Variants in MLXIP observed in about 807,000 individuals in gnomAD.
MLXIP encodes the protein MLX interacting protein.
A neutral mutation model predicts 87.2 loss-of-function variants in MLXIP; 30 were observed. The ratio of observed to expected loss-of-function variants is 0.34; its 90% CI spans 0.26 to 0.47. The LOEUF (loss-of-function observed/expected upper bound fraction) is 0.47, where lower values mean the gene tolerates loss of function less well. Among genes scored for constraint, MLXIP ranks in the 20% least tolerant of loss-of-function variants. The pLI, the probability that MLXIP is intolerant of heterozygous loss-of-function variation, is 1.00. For missense variants in MLXIP, 1,002 were observed against 1,240.1 expected (o/e 0.81, Z 2.88); for synonymous variants, 530 against 514.0 (o/e 1.03, Z -0.42).
chr12:122,138,862 G>T lies in MLXIP; in HGVS notation c.2432G>T (p.Arg811Leu). ...GCCACGGGAGTCCCCGTTACCCGGC[G>T]CCAGTTTGATCACATGAAAGACATG... Reference protein sequence around the residue: ...LPATGVPVTRRQFDHMKDMFD... With the variant: ...LPATGVPVTRLQFDHMKDMFD... Residue 811 changes from arginine (R) to leucine (L), a missense_variant, in exon 15 of 17, where the codon CGC (arginine) becomes CTC (leucine). By Grantham distance (102) the Arg-to-Leu change is moderately radical. Transcript: ENST00000319080. The T allele has an allele frequency of 3.1e-6, 5 of 1,614,034 alleles. No homozygotes were observed. Among genetic ancestry groups the T allele is most frequent in the Non-Finnish European group, 4.2e-6 (5 of 1,179,894 alleles).
chr12:122,094,222 GTGTA>G (rs1317337054), intron 1 of MLXIP, among the ~76,000 whole-genome samples: 45 of 125,904 alleles, frequency 3.6e-4, no homozygotes, highest in African/African-American at 1.2e-3. Context: ...GTGTGGGTGT[GTGTA>G]TGTGGTGTCT....
At chr12:122,134,229 CTG>C in intron 9 of MLXIP, 3 of 543,206 alleles carry the variant, frequency 5.5e-6, no homozygotes, top group Non-Finnish European at 6.2e-6. Flanking sequence ...GAGACAGTCT[CTG>C]TTGCCCAGGC....
rs61424369 is a variant in MLXIP, at chr12:122,108,367, C to CAA, written c.414-18869_414-18868dup. ...CTGGCGACAGAGCGAGACTCCATCT[C>CAA]AAAAAAAAAAAAAAAAAAAAAGACA... On this transcript the variant is annotated intron_variant, in intron 1 of 16. Coordinates refer to ENST00000319080, the MANE Select transcript of MLXIP (RefSeq NM_014938.6). Among the ~76,000 whole-genome samples, 88 of 80,494 alleles carry CAA rather than the reference C, an allele frequency of 1.1e-3. 1 individual carries two copies. The highest frequency in any genetic ancestry group is 3.5e-3 in the African/African-American group (72 of 20,574). 52.8% of individuals were successfully genotyped at this position (80,494 alleles called of 152,430 possible).
At chr12:122,093,485 GGTGT>G (rs1189506530) in intron 1 of MLXIP, among the ~76,000 whole-genome samples, 4 of 144,354 alleles carry the variant, frequency 2.8e-5, no homozygotes, top group Non-Finnish European at 6.0e-5. Flanking sequence ...TTTGGTGTGT[GGTGT>G]GTGTGTGCGG....
Position 122,135,636 on chromosome 12 carries a change from G to A in MLXIP, c.2002G>A (p.Gly668Ser), listed in dbSNP as rs762341442. The A allele has an allele frequency of 1.9e-5, 30 of 1,543,122 alleles. No homozygotes were observed. Among genetic ancestry groups the A allele is most frequent in the African/African-American group, 1.6e-4 (12 of 73,414 alleles). The change falls in exon 11 of 17, where the codon GGC becomes AGC. Residue 668 changes from glycine to serine, a missense_variant. Gly to Ser is a moderately conservative substitution (Grantham distance 56). This residue lies in a region of MLXIP where 746 missense variants were observed against 897.0 expected (regional missense o/e 0.83). Transcript: ENST00000319080. This position sits in a 1 kb window ranked among gnomAD's most constrained non-coding sequence, Gnocchi z 5.3. ...GKGEQVPLHG[G>S]SPQVTVTGPS... ...GGGCGAGCAGGTCCCGCTGCATGGGGGCAGCCCCCAGGTCACTGTCACAGG... is the reference window on the plus strand; with the variant it reads ...GGGCGAGCAGGTCCCGCTGCATGGGAGCAGCCCCCAGGTCACTGTCACAGG...
At chr12:122,141,656 G>A (rs1468556464) in intron 16 of MLXIP, 35 bp from the exon 17 acceptor site, 1 of 1,609,582 alleles carries the variant, frequency 6.2e-7, no homozygotes, top group Admixed American at 1.7e-5. Flanking sequence ...GTGGGTCTGT[G>A]TCACTGCCTG....
rs1235951859 is a variant in MLXIP at position 122,133,715 on chromosome 12, C to T, written c.1460C>T (p.Thr487Met). 1.2e-5 allele frequency: 20 copies of T among 1,613,548 alleles called. No homozygotes were observed. Among genetic ancestry groups the T allele is most frequent in the Non-Finnish European group, 1.6e-5 (19 of 1,179,842 alleles). The change falls in exon 9 of 17, where the codon ACG (threonine) becomes ATG (methionine). Residue 487 changes from threonine to methionine, a missense_variant. Physicochemically the swap from Thr to Met is moderately conservative, Grantham distance 81 (BLOSUM62 -1). Coordinates refer to ENST00000319080, the MANE Select transcript of MLXIP (RefSeq NM_014938.6). This position sits in a 1 kb window ranked among gnomAD's most constrained non-coding sequence, Gnocchi z 4.9. ...VNKAPSVITH[T>M]ASATLTHDAP... is the part of the protein sequence containing the mutation. ...AAAGCGCCGTCTGTCATCACCCACA[C>T]GGCCTCTGCCACCCTCACCCACGAT...
Position 122,142,468 on chromosome 12 carries a change from C to G in MLXIP, c.*656C>G. 2.7e-6 allele frequency: 1 copy of G among 377,328 alleles called. No homozygotes were observed. Among genetic ancestry groups the G allele is most frequent in the Non-Finnish European group, 5.3e-6 (1 of 190,112 alleles). The allele number at this position is 377,328 out of a possible 1,614,324, so 23.4% of individuals were successfully genotyped here. A position where few individuals can be genotyped will look rare whatever the true frequency, so the allele number is the denominator to read the frequency against. On this transcript the variant is annotated 3_prime_UTR_variant, in exon 17 of 17. Transcript: ENST00000319080. ...GGAACACACAGGACCAGAATGGAAG[C>G]GTGTGATGCACGGTGGCTGCTCTGG...
At position 122,135,891 on chromosome 12, in the gene MLXIP, G is replaced by GT. The variant is rs1372034449; in HGVS notation, c.2032+226dup. 5.4e-6 allele frequency: 3 copies of GT among 553,660 alleles called. No homozygotes were observed. The African/African-American group carries it at 5.9e-5, about 11-fold the overall frequency. The allele number at this position is 553,660 out of a possible 1,614,324, so 34.3% of individuals were successfully genotyped here. On this transcript the variant is annotated intron_variant, in intron 11 of 16. Coordinates refer to ENST00000319080, the MANE Select transcript of MLXIP (RefSeq NM_014938.6). The surrounding 1 kb of genome is among the most constrained non-coding windows in gnomAD (Gnocchi z 5.3). ...GGCAAAAAGTAGTGAACATGTGGCA[G>GT]TGTAGGTGACCCGTGTGCTCGGGGA...
At position 122,135,599 on chromosome 12, in the gene MLXIP, C is replaced by T. The variant is rs1044755745; in HGVS notation, c.1965C>T (p.Asp655=). Residue 655 remains aspartate (D), a synonymous_variant, in exon 11 of 17, where the codon GAC becomes GAT. Transcript: ENST00000319080. The surrounding 1 kb of genome is among the most constrained non-coding windows in gnomAD (Gnocchi z 5.3). ...VSRLFPSTAQ[D]PLGKGEQVPL... is the part of the protein sequence containing the mutation. ...GGCTCTTCCCAAGCACAGCGCAAGA[C>T]CCCCTGGGGAAGGGCGAGCAGGTCC... 5.1e-6 allele frequency: 8 copies of T among 1,583,990 alleles called. No homozygotes were observed. The highest frequency in any genetic ancestry group is 2.3e-5 in the East Asian group (1 of 43,624).
intron 4 of MLXIP, 106 bp from the exon 5 acceptor site, chr12:122,129,482 G>A (rs1433816014): frequency 8.3e-6 from 11 of 1,326,752 alleles, no homozygotes; most frequent in Non-Finnish European, 1.1e-5. Context: ...TGGGGATGGT[G>A]TGAGCAGGAC....
chr12:122,121,690 C>G (rs894710399), intron 1 of MLXIP, among the ~76,000 whole-genome samples: 12 of 152,114 alleles, frequency 7.9e-5, no homozygotes, highest in African/African-American at 2.9e-4. Flanking sequence ...TCTGCCTGCC[C>G]CTGTTCTTAC....
Position 122,133,754 on chromosome 12 carries a change from C to T in MLXIP, c.1499C>T (p.Thr500Ile). 1 of 1,613,570 alleles carries T rather than the reference C, an allele frequency of 6.2e-7. No individual in the cohort carries two copies. Among genetic ancestry groups the T allele is most frequent in the South Asian group, 1.1e-5 (1 of 91,010 alleles). ...CTCACCCACGATGCCCCCGCCACCACCTTTAGCCAGAGTCAGGGCCTTGTG... is the reference window on the plus strand; with the variant it reads ...CTCACCCACGATGCCCCCGCCACCATCTTTAGCCAGAGTCAGGGCCTTGTG... ...ATLTHDAPAT[T>I]FSQSQGLVIT... The change falls in exon 9 of 17, where the codon ACC (threonine) becomes ATC (isoleucine). Residue 500 changes from threonine to isoleucine, a missense_variant. Coordinates refer to ENST00000319080, the MANE Select transcript of MLXIP (RefSeq NM_014938.6). The surrounding 1 kb of genome is among the most constrained non-coding windows in gnomAD (Gnocchi z 4.9).
Position 122,140,975 on chromosome 12 carries a change from C to G in MLXIP, c.2530C>G (p.Leu844Val). 6.2e-7 allele frequency: 1 copy of G among 1,614,048 alleles called. No individual in the cohort carries two copies. Among genetic ancestry groups the G allele is most frequent in the Non-Finnish European group, 8.5e-7 (1 of 1,179,906 alleles). The change falls in exon 16 of 17, where the codon CTG (leucine) becomes GTG (valine). Residue 844 changes from leucine (L) to valine (V), a missense_variant. Leu to Val is a conservative substitution (Grantham distance 32). Around this residue, in one of 3 missense-constraint regions of MLXIP, gnomAD observed 746 missense variants for 897.0 expected, o/e 0.83. Transcript: ENST00000319080. Reference sequence around the variant, plus strand: ...GCAGTTCAGCATCATCATCAAGCCGCTGTTTGAGTCGTTCAAGGGCATGGT... The same window carrying G: ...GCAGTTCAGCATCATCATCAAGCCGGTGTTTGAGTCGTTCAAGGGCATGGT... ...FWIFSIIIKP[L>V]FESFKGMVST...
intron 1 of MLXIP, among the ~76,000 whole-genome samples, chr12:122,086,940 C>T (rs566269779): frequency 1.3e-5 from 2 of 152,310 alleles, no homozygotes; most frequent in African/African-American, 4.8e-5. Flanking sequence ...GGCTGTCACC[C>T]ACCACCCTGT....
chr12:122,090,570 T>C (rs1952231670), intron 1 of MLXIP, among the ~76,000 whole-genome samples: 2 of 152,278 alleles, frequency 1.3e-5, no homozygotes, highest in South Asian at 4.1e-4. Context: ...TTAGTAGTTA[T>C]AATTGTAAGA....
At chr12:122,126,692 T>C (rs759293376) in intron 1 of MLXIP, among the ~76,000 whole-genome samples, 17 of 152,134 alleles carry the variant, frequency 1.1e-4, no homozygotes, top group Non-Finnish European at 2.2e-4. Flanking sequence ...TTTTTAGTTA[T>C]GGAAAATTTG....
intron 1 of MLXIP, 87 bp from the exon 2 acceptor site, chr12:122,127,169 G>C (rs956938912): frequency 6.8e-6 from 7 of 1,027,890 alleles, no homozygotes; most frequent in Middle Eastern, 2.0e-4. Flanking sequence ...TCAAGAGTTT[G>C]GTCCTGGAAT....
At position 122,138,727 on chromosome 12, in the gene MLXIP, G is replaced by A. The variant is rs896729694; in HGVS notation, c.2385-88G>A. 91 of 1,539,406 alleles carry A rather than the reference G, an allele frequency of 5.9e-5. No homozygotes were observed. The Middle Eastern group carries it at 9.3e-4, about 16-fold the overall frequency. The stretch of plus-strand genomic sequence containing the variant: ...TCTTCTCTGTGCCTGGCTGTGGCCC[G>A]GCACTGGGCCAGCCCTGCCATCTTT... On this transcript the variant is annotated intron_variant, in intron 14 of 16. Transcript: ENST00000319080.
Sources: gnomAD v4.1 joint callset for allele counts (sites outside exome capture counted in the v4.1 genomes callset) on GRCh38, gnomAD v4.1.1 for gene constraint, gnomAD v4.1.1 regional missense constraint, Gnocchi (gnomAD v3.1) non-coding constraint, MANE v1.5 for transcripts, NCBI Gene and HGNC (gene_info 2026-07-23, HGNC 2026-07-21) for gene names.